HIRA: variants seen among roughly 807,000 people sequenced by gnomAD.
HIRA encodes the protein protein HIRA.
A neutral mutation model predicts 126.6 loss-of-function variants in HIRA; 13 were observed. That is an observed-to-expected ratio of 0.10 (90% confidence interval 0.07 to 0.16). The LOEUF (loss-of-function observed/expected upper bound fraction) is 0.16, where lower values mean the gene tolerates loss of function less well. HIRA is among the 10% of genes least tolerant of loss of function. The probability of loss-of-function intolerance (pLI) is 1.00; values close to 1 mark genes in which losing one functional copy is unlikely to be tolerated. For synonymous variants in HIRA, 511 were observed against 520.0 expected (o/e 0.98, Z 0.24); for missense variants, 834 against 1,314.4 (o/e 0.63, Z 5.65).
intron 14 of HIRA, among the ~76,000 whole-genome samples, chr22:19,377,403 A>G (rs1016552280): frequency 2.0e-5 from 3 of 152,224 alleles, no homozygotes; most frequent in Non-Finnish European, 4.4e-5. Context: ...CCAAGTAACA[A>G]TGGGTGAGGA....
intron 12 of HIRA, among the ~76,000 whole-genome samples, chr22:19,385,229 T>C (rs947086856): frequency 6.6e-6 from 1 of 152,200 alleles, no homozygotes; most frequent in African/African-American, 2.4e-5. Flanking sequence ...AAATCCACTG[T>C]TGTTAGCATC....
At position 19,394,472 on chromosome 22, in the gene HIRA, G is replaced by T; in HGVS notation, c.692C>A (p.Ser231Ter). 6.2e-7 allele frequency: 1 copy of T among 1,614,092 alleles called. No homozygotes were observed. Among genetic ancestry groups the T allele is most frequent in the South Asian group, 1.1e-5 (1 of 91,072 alleles). ...AGACACCAGGTAATGCCCATCAGGT[G>T]ACCAGCTGAGCCGCAACACATGGGT... ...GTTHVLRLSW[S>*]PDGHYLVSAH... is the part of the protein sequence containing the mutation. Residue 231 changes from serine (S) to a stop codon, truncating the protein, a stop_gained, in exon 8 of 25, where the codon TCA becomes TAA. Coordinates refer to ENST00000263208, the MANE Select transcript of HIRA (RefSeq NM_003325.4). LOFTEE classifies it high-confidence loss of function.
intron 13 of HIRA, among the ~76,000 whole-genome samples, chr22:19,381,725 C>T (rs1187417876): frequency 2.6e-5 from 4 of 152,096 alleles, no homozygotes; most frequent in Non-Finnish European, 5.9e-5. Context: ...TGAGAATGAT[C>T]TTGAATTTAT....
At chr22:19,348,899 C>A (rs999230846) in intron 24 of HIRA, among the ~76,000 whole-genome samples, 2 of 152,110 alleles carry the variant, frequency 1.3e-5, no homozygotes, top group African/African-American at 4.8e-5. Flanking sequence ...GATTCTCCTG[C>A]CTCAGCCTCC....
intron 18 of HIRA, among the ~76,000 whole-genome samples, chr22:19,359,053 T>C (rs888070259): frequency 4.6e-5 from 7 of 152,166 alleles, no homozygotes; most frequent in African/African-American, 1.7e-4. Flanking sequence ...GGGATCTGGC[T>C]GGACAAGGGA....
intron 7 of HIRA, among the ~76,000 whole-genome samples, chr22:19,395,507 G>C (rs1006953770): frequency 7.2e-5 from 11 of 152,272 alleles, no homozygotes; most frequent in African/African-American, 2.6e-4. Context: ...AGCTCCTTAG[G>C]GCAAGACTAA....
chr22:19,391,702 G>C (rs1003242617), intron 9 of HIRA, among the ~76,000 whole-genome samples: 10 of 152,016 alleles, frequency 6.6e-5, no homozygotes. Flanking sequence ...GGATGGTCTC[G>C]AACTCCTGAC....
intron 13 of HIRA, among the ~76,000 whole-genome samples, chr22:19,380,066 G>A (rs1380801356): frequency 1.3e-5 from 2 of 151,658 alleles, no homozygotes; most frequent in Non-Finnish European, 2.9e-5. Flanking sequence ...CTCAGCCTCC[G>A]AAAGTGCTGG....
intron 8 of HIRA, among the ~76,000 whole-genome samples, chr22:19,393,112 A>G (rs5993623): frequency 0.67 from 102,456 of 151,906 alleles, 34,830 homozygotes; most frequent in South Asian, 0.76. Flanking sequence ...GCAGGGCCTT[A>G]GGAGCTCTGT....
chr22:19,431,470 G>T lies in HIRA; in HGVS notation c.7C>A (p.Leu3Ile), dbSNP rs775050717. MK[L>I]LKPTWVNHNG... ...TGGTTGACCCAGGTCGGCTTCAGGAGCTTCATTGTTCGGCCGCCGCCGCCG... is the reference window on the plus strand; with the variant it reads ...TGGTTGACCCAGGTCGGCTTCAGGATCTTCATTGTTCGGCCGCCGCCGCCG... The change falls in exon 1 of 25, where the codon CTC becomes ATC. Residue 3 changes from leucine (L) to isoleucine (I), a missense_variant. Coordinates refer to ENST00000263208, the MANE Select transcript of HIRA (RefSeq NM_003325.4). 5 of 1,605,874 alleles carry T rather than the reference G, an allele frequency of 3.1e-6. No individual in the cohort carries two copies. The Admixed American group carries it at 5.0e-5, about 16-fold the overall frequency.
At chr22:19,406,522 G>C (rs1009960251) in intron 4 of HIRA, among the ~76,000 whole-genome samples, 3 of 152,198 alleles carry the variant, frequency 2.0e-5, no homozygotes, top group African/African-American at 7.2e-5. Flanking sequence ...CCGATGATCA[G>C]AGCCTCTGAT....
rs2088754594 is a variant in HIRA at position 19,351,265 on chromosome 22, A to G, written c.2937+93T>C. The G allele has an allele frequency of 1.3e-6, 2 of 1,515,094 alleles. No individual in the cohort carries two copies. Among genetic ancestry groups the G allele is most frequent in the Non-Finnish European group, 1.8e-6 (2 of 1,134,252 alleles). 93.9% of individuals were successfully genotyped at this position (1,515,094 alleles called of 1,614,324 possible). A position where few individuals can be genotyped will look rare whatever the true frequency, so the allele number is the denominator to read the frequency against. Reference sequence around the variant, plus strand: ...CTGGGTGCTGGAGAAGTCTAACGGGACACAATTTCAAAGCACTTTGGCTTA... The same window carrying G: ...CTGGGTGCTGGAGAAGTCTAACGGGGCACAATTTCAAAGCACTTTGGCTTA... On this transcript the variant is annotated intron_variant, in intron 24 of 24. Coordinates refer to ENST00000263208, the MANE Select transcript of HIRA (RefSeq NM_003325.4). The surrounding 1 kb of genome is among the most constrained non-coding windows in gnomAD (Gnocchi z 4.8).
chr22:19,411,454 C>A, intron 1 of HIRA, among the ~76,000 whole-genome samples: 1 of 152,242 alleles, frequency 6.6e-6, no homozygotes, highest in East Asian at 1.9e-4. Context: ...TGGATCAGAC[C>A]GGCAAAAGCA....
intron 24 of HIRA, among the ~76,000 whole-genome samples, chr22:19,334,028 G>A (rs1408267662): frequency 6.6e-6 from 1 of 151,476 alleles, no homozygotes; most frequent in East Asian, 2.0e-4. Context: ...AGGCTGGAGT[G>A]CAGTGGTGTG....
chr22:19,425,472 G>A (rs2089481713), intron 1 of HIRA, among the ~76,000 whole-genome samples: 2 of 152,086 alleles, frequency 1.3e-5, no homozygotes, highest in Admixed American at 6.6e-5. Context: ...CCTGGTCACC[G>A]ACAGGACCCA....
intron 1 of HIRA, among the ~76,000 whole-genome samples, chr22:19,425,871 C>T (rs5748200): frequency 0.031 from 4,643 of 152,106 alleles, 143 homozygotes; most frequent in South Asian, 0.13. Flanking sequence ...ATTAGCCAGG[C>T]GTGGTGGCAT....
chr22:19,357,858 C>T (rs2088827690), intron 18 of HIRA, among the ~76,000 whole-genome samples: 1 of 152,210 alleles, frequency 6.6e-6, no homozygotes, highest in African/African-American at 2.4e-5. Flanking sequence ...AACTGCCTTC[C>T]TAATGAGCCA....
At chr22:19,417,195 G>A (rs951242423) in intron 1 of HIRA, among the ~76,000 whole-genome samples, 2 of 151,372 alleles carry the variant, frequency 1.3e-5, no homozygotes, top group Non-Finnish European at 2.9e-5. Context: ...GTGAGACTCT[G>A]TCTCAAAAAA....
At chr22:19,410,095 C>A (rs2089340299) in intron 2 of HIRA, among the ~76,000 whole-genome samples, 1 of 152,232 alleles carries the variant, frequency 6.6e-6, no homozygotes, top group African/African-American at 2.4e-5. Flanking sequence ...CTGTGGAATG[C>A]TACATTGTGT....
Sources: gnomAD v4.1 joint callset for allele counts (sites outside exome capture counted in the v4.1 genomes callset) on GRCh38, gnomAD v4.1.1 for gene constraint, Gnocchi (gnomAD v3.1) non-coding constraint, MANE v1.5 for transcripts, NCBI Gene and HGNC (gene_info 2026-07-23, HGNC 2026-07-21) for gene names.